Variants in TRPS1 observed in about 807,000 individuals in gnomAD.
TRPS1 encodes the protein zinc finger transcription factor Trps1.
In TRPS1, 6 loss-of-function variants were observed where a neutral mutation model predicts 101.2. That is an observed-to-expected ratio of 0.06 (90% CI 0.03 to 0.12). TRPS1 has a LOEUF of 0.12. TRPS1 is among the 10% of genes least tolerant of loss of function. The pLI, the probability that TRPS1 is intolerant of heterozygous loss-of-function variation, is 1.00. For synonymous variants in TRPS1, 578 were observed against 589.8 expected (o/e 0.98, Z 0.29); for missense variants, 1,363 against 1,567.0 (o/e 0.87, Z 2.20).
At chr8:115,659,498 T>C (rs566658735) in intron 1 of TRPS1, among the ~76,000 whole-genome samples, 1 of 151,924 alleles carries the variant, frequency 6.6e-6, no homozygotes, top group Non-Finnish European at 1.5e-5. Context: ...CGATAAAGAA[T>C]TATGAATCAT....
At chr8:115,574,162 C>T (rs989509107) in intron 5 of TRPS1, among the ~76,000 whole-genome samples, 1 of 152,142 alleles carries the variant, frequency 6.6e-6, no homozygotes, top group Non-Finnish European at 1.5e-5. Context: ...TGCCTGAAAC[C>T]CAGCAGGTGC....
At chr8:115,607,106 T>C (rs146845936) in intron 3 of TRPS1, among the ~76,000 whole-genome samples, 1 of 152,240 alleles carries the variant, frequency 6.6e-6, no homozygotes, top group African/African-American at 2.4e-5. Flanking sequence ...GATTTTGCAA[T>C]CTTTAAGCCT....
intron 1 of TRPS1, among the ~76,000 whole-genome samples, chr8:115,655,547 T>C (rs1432913258): frequency 6.6e-6 from 1 of 152,192 alleles, no homozygotes; most frequent in Non-Finnish European, 1.5e-5. Flanking sequence ...TTGTATGTTT[T>C]TGTACATGGT....
intron 3 of TRPS1, among the ~76,000 whole-genome samples, chr8:115,613,654 A>T (rs1296054434): frequency 7.9e-5 from 12 of 152,088 alleles, no homozygotes; most frequent in East Asian, 1.9e-4. Flanking sequence ...CTGTTTCCTT[A>T]TTTTTTTAAA....
At chr8:115,442,676 A>C (rs1427464881) in intron 5 of TRPS1, among the ~76,000 whole-genome samples, 1 of 151,748 alleles carries the variant, frequency 6.6e-6, no homozygotes, top group African/African-American at 2.4e-5. Context: ...AAATTGGGTG[A>C]TTTGACTGGG....
At chr8:115,433,545 T>C (rs1384465803) in intron 5 of TRPS1, among the ~76,000 whole-genome samples, 1 of 152,114 alleles carries the variant, frequency 6.6e-6, no homozygotes, top group Non-Finnish European at 1.5e-5. Flanking sequence ...AAAACAAATG[T>C]TTAAGTCATG....
At chr8:115,557,414 A>T (rs1045921952) in intron 5 of TRPS1, among the ~76,000 whole-genome samples, 1 of 152,066 alleles carries the variant, frequency 6.6e-6, no homozygotes, top group Non-Finnish European at 1.5e-5. Context: ...TCCCACTCTA[A>T]TCTCATCTTG....
intron 2 of TRPS1, 76 bp downstream of exon 2, chr8:115,623,525 C>T: frequency 6.5e-7 from 1 of 1,533,810 alleles, no homozygotes; most frequent in Non-Finnish European, 8.9e-7. Context: ...AGACAAATAA[C>T]AGATTGCACG....
At chr8:115,490,929 T>C (rs576086095) in intron 5 of TRPS1, among the ~76,000 whole-genome samples, 37 of 152,300 alleles carry the variant, frequency 2.4e-4, no homozygotes, top group Middle Eastern at 6.8e-3. Context: ...TAATATTCTA[T>C]TTCTACAATT....
At chr8:115,644,598 T>C (rs529422226) in intron 1 of TRPS1, among the ~76,000 whole-genome samples, 4 of 152,352 alleles carry the variant, frequency 2.6e-5, no homozygotes, top group Admixed American at 2.6e-4. Context: ...CATGTGTGTG[T>C]TCAACAGAGT....
intron 5 of TRPS1, among the ~76,000 whole-genome samples, chr8:115,434,021 T>C (rs922220333): frequency 2.6e-5 from 4 of 152,162 alleles, no homozygotes; most frequent in African/African-American, 9.7e-5. Flanking sequence ...AAAATGATTA[T>C]TGTATCACAC....
chr8:115,558,096 A>C (rs1039395202), intron 5 of TRPS1, among the ~76,000 whole-genome samples: 1 of 152,108 alleles, frequency 6.6e-6, no homozygotes, highest in East Asian at 1.9e-4. Context: ...ACAGGAAAAA[A>C]AAAAAAAAGG....
chr8:115,653,726 C>T (rs567476419), intron 1 of TRPS1, among the ~76,000 whole-genome samples: 4 of 152,164 alleles, frequency 2.6e-5, no homozygotes, highest in South Asian at 2.1e-4. Context: ...AAAGACAGAG[C>T]GGAAAATCCA....
At chr8:115,440,200 A>G (rs1200937193) in intron 5 of TRPS1, among the ~76,000 whole-genome samples, 3 of 152,254 alleles carry the variant, frequency 2.0e-5, no homozygotes, top group African/African-American at 7.2e-5. Flanking sequence ...TACGTACACC[A>G]AGTCCAAGAA....
intron 5 of TRPS1, 124 bp downstream of exon 5, chr8:115,586,877 C>T (rs1817570242): frequency 1.3e-6 from 2 of 1,553,754 alleles, no homozygotes; most frequent in Non-Finnish European, 1.7e-6. Flanking sequence ...GAGTATAAAT[C>T]CCCAGATTGA....
chr8:115,648,922 G>A (rs547666235), intron 1 of TRPS1, among the ~76,000 whole-genome samples: 2 of 152,042 alleles, frequency 1.3e-5, no homozygotes, highest in East Asian at 1.9e-4. Context: ...TGTGGAGCAG[G>A]GGTAGTTACC....
chr8:115,530,923 C>G, intron 5 of TRPS1, among the ~76,000 whole-genome samples: 1 of 151,956 alleles, frequency 6.6e-6, no homozygotes, highest in East Asian at 1.9e-4. Flanking sequence ...CACACCAGGG[C>G]CTGTCATGGG....
chr8:115,497,065 A>G (rs1386824058), intron 5 of TRPS1, among the ~76,000 whole-genome samples: 6 of 152,212 alleles, frequency 3.9e-5, no homozygotes, highest in South Asian at 2.1e-4. Flanking sequence ...GGAATCAAAT[A>G]TGTTCACTTT....
intron 5 of TRPS1, among the ~76,000 whole-genome samples, chr8:115,536,502 G>A (rs1042865106): frequency 2.4e-5 from 3 of 123,420 alleles, no homozygotes; most frequent in Admixed American, 1.0e-4. Context: ...CAGCCTGGGC[G>A]ACAGAGGGAG....
Sources: gnomAD v4.1 joint callset for allele counts (sites outside exome capture counted in the v4.1 genomes callset) on GRCh38, gnomAD v4.1.1 for gene constraint, MANE v1.5 for transcripts, NCBI Gene and HGNC (gene_info 2026-07-23, HGNC 2026-07-21) for gene names.